The following MYO1B variants were observed in gnomAD, a reference collection of about 807,000 sequenced individuals.
MYO1B encodes unconventional myosin-Ib.
MYO1B carries 72 observed loss-of-function variants against 159.7 expected under a neutral mutation model. The ratio of observed to expected loss-of-function variants is 0.45; its 90% CI spans 0.37 to 0.55. The LOEUF is 0.55. Among genes scored for constraint, MYO1B ranks in the 20% least tolerant of loss-of-function variants. The pLI, the probability that MYO1B is intolerant of heterozygous loss-of-function variation, is 0.00. For synonymous variants in MYO1B, 468 were observed against 473.8 expected, an observed-to-expected ratio of 0.99 and a Z score of 0.16; for missense variants, 1,062 against 1,364.8, an observed-to-expected ratio of 0.78 and a Z score of 3.50.
intron 2 of MYO1B, among the ~76,000 whole-genome samples, chr2:191,285,067 T>G (rs1350105667): frequency 1.3e-5 from 2 of 152,212 alleles, no homozygotes; most frequent in African/African-American, 2.4e-5. Context: ...CATTACTACT[T>G]TCAATTAACC....
At chr2:191,396,203 C>G (rs1696061575) in intron 20 of MYO1B, among the ~76,000 whole-genome samples, 1 of 152,088 alleles carries the variant, frequency 6.6e-6, no homozygotes, top group African/African-American at 2.4e-5. Flanking sequence ...ATGCTGTGTC[C>G]TGAGTCATTT....
intron 7 of MYO1B, among the ~76,000 whole-genome samples, chr2:191,350,778 T>C (rs1426679874): frequency 6.7e-6 from 1 of 150,208 alleles, no homozygotes; most frequent in East Asian, 2.0e-4. Context: ...TTTGTGACTG[T>C]GGAAGTGAAA....
intron 1 of MYO1B, among the ~76,000 whole-genome samples, chr2:191,252,423 T>C (rs991861007): frequency 3.3e-5 from 5 of 152,252 alleles, no homozygotes. Flanking sequence ...TAGATGTCTC[T>C]TGAGTATCTG....
At position 191,390,315 on chromosome 2, in the gene MYO1B, AAGC is replaced by A. The variant is rs770708030; in HGVS notation, c.1810_1812del (p.Ala604del). On this transcript the variant is annotated inframe_deletion, in exon 18 of 31. Coordinates refer to ENST00000392318, the MANE Select transcript of MYO1B (RefSeq NM_001130158.3). ...AGGTGTATCAAACCGAATGATAAAA[AAGC>A]AGCACACATCTTCAACGAGGCTCTA... 2.5e-5 allele frequency: 41 copies of A among 1,613,804 alleles called. No homozygotes were observed. The highest frequency in any genetic ancestry group is 3.1e-5 in the Non-Finnish European group (37 of 1,179,676).
chr2:191,307,287 A>T (rs1026328019), intron 3 of MYO1B, among the ~76,000 whole-genome samples: 1 of 151,978 alleles, frequency 6.6e-6, no homozygotes, highest in Non-Finnish European at 1.5e-5. Context: ...TGGCATTTGT[A>T]AACTGTCCTG....
chr2:191,287,888 C>G (rs981670192), intron 2 of MYO1B, among the ~76,000 whole-genome samples: 7 of 144,418 alleles, frequency 4.8e-5, no homozygotes, highest in African/African-American at 1.8e-4. Flanking sequence ...TTTTTCCTGG[C>G]TTTAGCAAGA....
rs1167708253 is a variant in MYO1B, at chr2:191,319,731, ATTATAC to A, written c.252-10198_252-10193del. 7.2e-5 allele frequency among the ~76,000 whole-genome samples: 11 copies of A among 152,284 alleles called. No individual in the cohort carries two copies. In the South Asian group the frequency reaches 8.3e-4, roughly 11 times the overall value. On this transcript the variant is annotated intron_variant, in intron 3 of 30. Coordinates refer to ENST00000392318, the MANE Select transcript of MYO1B (RefSeq NM_001130158.3). ...TCTGGTGCCTAAGCAAAATAAATGCATTATACTTATAATCAGAGTACTCCTTTGAAC... is the reference window on the plus strand; with the variant it reads ...TCTGGTGCCTAAGCAAAATAAATGCATTATAATCAGAGTACTCCTTTGAAC...
intron 13 of MYO1B, among the ~76,000 whole-genome samples, chr2:191,378,721 G>A (rs1442211436): frequency 1.3e-5 from 2 of 152,082 alleles, no homozygotes; most frequent in East Asian, 1.9e-4. Flanking sequence ...TTGGGACGGC[G>A]AAAATTTTGG....
intron 16 of MYO1B, 117 bp from the exon 17 acceptor site, chr2:191,387,107 A>AT: frequency 9.8e-7 from 1 of 1,015,236 alleles, no homozygotes; most frequent in East Asian, 2.4e-5. Context: ...CATGTCAGGG[A>AT]TTTTTTGATG....
At chr2:191,403,925 A>G (rs1261877857) in intron 24 of MYO1B, among the ~76,000 whole-genome samples, 3 of 152,320 alleles carry the variant, frequency 2.0e-5, no homozygotes, top group Middle Eastern at 6.8e-3. Flanking sequence ...AGGGGTGTAC[A>G]CTAGCAACCT....
At chr2:191,379,742 C>T (rs1694931507) in intron 13 of MYO1B, among the ~76,000 whole-genome samples, 1 of 151,970 alleles carries the variant, frequency 6.6e-6, no homozygotes, top group Non-Finnish European at 1.5e-5. Flanking sequence ...TTTACTTTTA[C>T]TTATAGGTTT....
intron 3 of MYO1B, among the ~76,000 whole-genome samples, chr2:191,326,815 T>TGTGTGTGCGC (rs1193696593): frequency 6.3e-5 from 9 of 143,880 alleles, no homozygotes; most frequent in Admixed American, 2.8e-4. Context: ...TGTGTGTGTG[T>TGTGTGTGCGC]GCGCGCGCCA....
At chr2:191,423,005 G>A (rs1006147993) in intron 30 of MYO1B, among the ~76,000 whole-genome samples, 1 of 152,198 alleles carries the variant, frequency 6.6e-6, no homozygotes, top group African/African-American at 2.4e-5. Context: ...ATACAATTCT[G>A]TGTAAGAAGT....
chr2:191,396,359 C>A, intron 20 of MYO1B, 70 bp from the exon 21 acceptor site: 1 of 1,515,656 alleles, frequency 6.6e-7, no homozygotes, highest in South Asian at 1.1e-5. Flanking sequence ...AGCAAATACC[C>A]TTTCTCAATC....
rs1483939851 is a variant in MYO1B, at chr2:191,288,779, C to T, written c.136-7332C>T. Among the ~76,000 whole-genome samples the T allele has an allele frequency of 2.0e-5, 3 of 152,240 alleles. No individual in the cohort carries two copies. In the South Asian group the frequency reaches 6.2e-4, roughly 32 times the overall value. On this transcript the variant is annotated intron_variant, in intron 2 of 30. Coordinates refer to ENST00000392318, the MANE Select transcript of MYO1B (RefSeq NM_001130158.3). ...TGGGTTATTCTTACCTGAATCCTGGCCCATCCTGGATTTGAACTATAGATT... is the reference window on the plus strand; with the variant it reads ...TGGGTTATTCTTACCTGAATCCTGGTCCATCCTGGATTTGAACTATAGATT...
intron 1 of MYO1B, among the ~76,000 whole-genome samples, chr2:191,250,410 T>C (rs2125652355): frequency 6.6e-6 from 1 of 152,330 alleles, no homozygotes; most frequent in East Asian, 1.9e-4. Context: ...TAGCAGTGTC[T>C]TCCCTGGTGC....
At chr2:191,251,247 T>TCTC (rs1212308521) in intron 1 of MYO1B, among the ~76,000 whole-genome samples, 3 of 152,186 alleles carry the variant, frequency 2.0e-5, no homozygotes, top group Admixed American at 1.3e-4. Context: ...TGATCTCTGG[T>TCTC]CTCCAGTCTG....
At chr2:191,310,617 G>C (rs1351233450) in intron 3 of MYO1B, among the ~76,000 whole-genome samples, 1 of 152,246 alleles carries the variant, frequency 6.6e-6, no homozygotes, top group Non-Finnish European at 1.5e-5. Flanking sequence ...AACGGTATTA[G>C]AGTTGAGAAT....
chr2:191,329,572 TATAA>T (rs1261653127), intron 3 of MYO1B, among the ~76,000 whole-genome samples: 6 of 149,008 alleles, frequency 4.0e-5, no homozygotes, highest in African/African-American at 1.2e-4. Flanking sequence ...TTGCTGGGTT[TATAA>T]ATAAATAAAT....
Sources: allele counts gnomAD v4.1 joint callset (sites outside exome capture counted in the v4.1 genomes callset), GRCh38; gene constraint gnomAD v4.1.1; transcripts MANE v1.5; gene names NCBI Gene and HGNC (gene_info 2026-07-23, HGNC 2026-07-21).